The following CISD2 variants were observed in gnomAD, a reference collection of about 807,000 sequenced individuals.
CISD2 encodes the protein CDGSH iron-sulfur domain-containing protein 2.
CISD2 carries 1 observed loss-of-function variant against 12.9 expected under a neutral mutation model. The ratio of observed to expected loss-of-function variants is 0.08; its 90% confidence interval spans 0.03 to 0.37. The LOEUF (loss-of-function observed/expected upper bound fraction) is 0.37, where lower values mean the gene tolerates loss of function less well. CISD2 is among the 10% of genes least tolerant of loss of function. CISD2 has a pLI of 0.99. For missense variants in CISD2, 97 were observed against 163.1 expected, an observed-to-expected ratio of 0.59 and a Z score of 2.21; for synonymous variants, 50 against 60.6, an observed-to-expected ratio of 0.83 and a Z score of 0.81.
At chr4:102,871,200 A>T (rs907173965) in intron 1 of CISD2, among the ~76,000 whole-genome samples, 1 of 152,218 alleles carries the variant, frequency 6.6e-6, no homozygotes, top group African/African-American at 2.4e-5. Context: ...GAAAATTAGA[A>T]AGTATGAAAC....
intron 1 of CISD2, among the ~76,000 whole-genome samples, chr4:102,869,842 A>C (rs1300154263): frequency 6.6e-6 from 1 of 152,162 alleles, no homozygotes; most frequent in African/African-American, 2.4e-5. Context: ...CGGTATGAGG[A>C]GTGAAATCTT....
At chr4:102,874,632 A>C (rs1396544724) in intron 1 of CISD2, 1 of 152,210 alleles carries the variant, frequency 6.6e-6, no homozygotes, top group East Asian at 1.9e-4. Flanking sequence ...AGAATCAACC[A>C]TGCTGACACC....
rs1179286757 is a variant in CISD2, at chr4:102,885,239, C to T, written c.127C>T (p.Pro43Ser). The T allele has an allele frequency of 1.9e-6, 3 of 1,613,952 alleles. No homozygotes were observed. In the Admixed American group the frequency reaches 5.0e-5, roughly 27 times the overall value. The change falls in exon 2 of 3, where the codon CCT becomes TCT. Residue 43 changes from proline to serine, a missense_variant. By Grantham distance (74) the Pro-to-Ser change is moderately conservative. This residue lies in a region of CISD2 where 89 missense variants were observed against 114.4 expected (regional missense o/e 0.78). Coordinates refer to ENST00000273986, the MANE Select transcript of CISD2 (RefSeq NM_001008388.5). ...LTVSEWLRLL[P>S]FLGVLALLGY... ...AGTTTCAGAATGGCTTCGGTTATTG[C>T]CTTTCCTTGGTGTACTCGCACTTCT... is the stretch of plus-strand genomic sequence containing the variant.
intron 1 of CISD2, 143 bp from the exon 2 acceptor site, chr4:102,885,073 T>C: frequency 1.4e-6 from 1 of 708,622 alleles, no homozygotes; most frequent in South Asian, 1.5e-5. Context: ...CTTTATTGTG[T>C]TATTTATTCA....
rs1445034883 is a variant in CISD2 at position 102,869,007 on chromosome 4, C to T, written c.-78C>T. On this transcript the variant is annotated 5_prime_UTR_variant, in exon 1 of 3. Coordinates refer to ENST00000273986, the MANE Select transcript of CISD2 (RefSeq NM_001008388.5). ...CGAGGCCGCCAGTGCCCGCCGGCCGCTTCCGCTCCCGGCGCAGGCGCGGCA... is the reference window on the plus strand; with the variant it reads ...CGAGGCCGCCAGTGCCCGCCGGCCGTTTCCGCTCCCGGCGCAGGCGCGGCA... The T allele has an allele frequency of 4.1e-6, 6 of 1,466,592 alleles. No individual in the cohort carries two copies. Among genetic ancestry groups the T allele is most frequent in the Non-Finnish European group, 4.5e-6 (5 of 1,106,820 alleles). 90.8% of individuals were successfully genotyped at this position (1,466,592 alleles called of 1,614,324 possible). A position where few individuals can be genotyped will look rare whatever the true frequency, so the allele number is the denominator to read the frequency against.
In CISD2 at chr4:102,873,851, C is replaced by T. The variant is rs116437214; in HGVS notation, c.103+4664C>T. Among the ~76,000 whole-genome samples, 511 of 151,400 alleles carry T rather than the reference C, an allele frequency of 3.4e-3. 4 individuals carry two copies. Among genetic ancestry groups the T allele is most frequent in the Non-Finnish European group, 5.6e-3 (378 of 67,908 alleles). ...AAAAATTGGCAAAACAGGCCAGGTA[C>T]GGTGTGGCTCATGCCTTTAATCCCA... On this transcript the variant is annotated intron_variant, in intron 1 of 2. Coordinates refer to ENST00000273986, the MANE Select transcript of CISD2 (RefSeq NM_001008388.5).
Position 102,869,015 on chromosome 4 carries a change from C to G in CISD2, c.-70C>G. ...CCAGTGCCCGCCGGCCGCTTCCGCT[C>G]CCGGCGCAGGCGCGGCAGCTTGGCC... On this transcript the variant is annotated 5_prime_UTR_variant, in exon 1 of 3. Transcript: ENST00000273986. 1 of 1,479,946 alleles carries G rather than the reference C, an allele frequency of 6.8e-7. No homozygotes were observed. The highest frequency in any genetic ancestry group is 9.0e-7 in the Non-Finnish European group (1 of 1,113,118). 91.7% of individuals were successfully genotyped at this position (1,479,946 alleles called of 1,614,324 possible). A position where few individuals can be genotyped will look rare whatever the true frequency, so the allele number is the denominator to read the frequency against.
At position 102,869,201 on chromosome 4, in the gene CISD2, A is replaced by C. The variant is rs1200205884; in HGVS notation, c.103+14A>C. Reference sequence around the variant, plus strand: ...CTAGGCTCACAGGTAATCCTCCCCCATCAGCCAGTCCCCATCCTTGCACGT... The same window carrying C: ...CTAGGCTCACAGGTAATCCTCCCCCCTCAGCCAGTCCCCATCCTTGCACGT... On this transcript the variant is annotated intron_variant, in intron 1 of 2. Transcript: ENST00000273986. The C allele has an allele frequency of 6.3e-7, 1 of 1,594,866 alleles. No homozygotes were observed. Among genetic ancestry groups the C allele is most frequent in the Non-Finnish European group, 8.5e-7 (1 of 1,170,572 alleles).
chr4:102,888,538 G>A lies in CISD2; in HGVS notation c.*1108G>A, dbSNP rs546294667. On this transcript the variant is annotated 3_prime_UTR_variant, in exon 3 of 3. Transcript: ENST00000273986. ...GTGTAAGGGTCAACTGTACAAAAAA[G>A]TTTGTGAAATAAACGTACTGGAGAA... is the stretch of plus-strand genomic sequence containing the variant. 1 of 152,328 alleles carries A rather than the reference G, an allele frequency of 6.6e-6. No homozygotes were observed. Among genetic ancestry groups the A allele is most frequent in the African/African-American group, 2.4e-5 (1 of 41,574 alleles). 9.4% of individuals were successfully genotyped at this position (152,328 alleles called of 1,614,324 possible). A position where few individuals can be genotyped will look rare whatever the true frequency, so the allele number is the denominator to read the frequency against.
intron 1 of CISD2, among the ~76,000 whole-genome samples, chr4:102,876,634 C>T (rs1733599436): frequency 6.6e-6 from 1 of 152,064 alleles, no homozygotes; most frequent in Non-Finnish European, 1.5e-5. Context: ...CCTGTAATCC[C>T]AGCTACTCAG....
intron 1 of CISD2, among the ~76,000 whole-genome samples, chr4:102,875,214 A>G (rs1474191110): frequency 6.6e-6 from 1 of 152,226 alleles, no homozygotes; most frequent in Non-Finnish European, 1.5e-5. Flanking sequence ...CTCCTCCCAT[A>G]TTCCCATGAA....
At position 102,869,076 on chromosome 4, in the gene CISD2, C is replaced by G. The variant is rs1490041776; in HGVS notation, c.-9C>G. On this transcript the variant is annotated 5_prime_UTR_variant, in exon 1 of 3. Transcript: ENST00000273986. ...GGGCTCGGGAGAGGAGTGGACGCCG[C>G]TGGCCAGGATGGTGCTGGAGAGCGT... 1 of 1,606,462 alleles carries G rather than the reference C, an allele frequency of 6.2e-7. No homozygotes were observed. The highest frequency in any genetic ancestry group is 1.3e-5 in the African/African-American group (1 of 74,782).
intron 1 of CISD2, among the ~76,000 whole-genome samples, chr4:102,884,362 C>T (rs569130390): frequency 9.5e-4 from 145 of 152,236 alleles, no homozygotes; most frequent in African/African-American, 3.4e-3. Flanking sequence ...TTTCTCTTTT[C>T]TCAACTAAGC....
At chr4:102,874,959 A>G (rs560760339) in intron 1 of CISD2, among the ~76,000 whole-genome samples, 1 of 152,174 alleles carries the variant, frequency 6.6e-6, no homozygotes, top group African/African-American at 2.4e-5. Flanking sequence ...GAGTGACTTC[A>G]TAGGTGAACA....
chr4:102,869,971 C>G (rs1014998233), intron 1 of CISD2, among the ~76,000 whole-genome samples: 1 of 152,168 alleles, frequency 6.6e-6, no homozygotes, highest in Non-Finnish European at 1.5e-5. Flanking sequence ...GCAGTCAACA[C>G]TTGGGAGATT....
Position 102,890,926 on chromosome 4 carries a change from ACCAATATAAATATCTCAG to A in CISD2, c.*3498_*3515del, listed in dbSNP as rs1433645177. 1 of 150,068 alleles carries A rather than the reference ACCAATATAAATATCTCAG, an allele frequency of 6.7e-6. No individual in the cohort carries two copies. The highest frequency in any genetic ancestry group is 1.5e-5 in the Non-Finnish European group (1 of 67,918). 9.3% of individuals were successfully genotyped at this position (150,068 alleles called of 1,614,324 possible). ...TACGAAGTTCGTAGGACAGGAGGAAACCAATATAAATATCTCAGCATTGTAGGAAATTTAACCCATGGA... is the reference window on the plus strand; with the variant it reads ...TACGAAGTTCGTAGGACAGGAGGAAACATTGTAGGAAATTTAACCCATGGA... On this transcript the variant is annotated 3_prime_UTR_variant, in exon 3 of 3. Coordinates refer to ENST00000273986, the MANE Select transcript of CISD2 (RefSeq NM_001008388.5).
intron 1 of CISD2, among the ~76,000 whole-genome samples, chr4:102,884,065 T>C (rs1016385000): frequency 3.3e-4 from 50 of 152,232 alleles, no homozygotes; most frequent in African/African-American, 1.1e-3. Context: ...ATAGTACTAT[T>C]ATCTCCTGAG....
In CISD2 at chr4:102,876,437, T is replaced by C. The variant is rs192128961; in HGVS notation, c.103+7250T>C. 1.9e-3 allele frequency among the ~76,000 whole-genome samples: 285 copies of C among 152,304 alleles called. 1 individual carries two copies. Among genetic ancestry groups the C allele is most frequent in the African/African-American group, 6.3e-3 (261 of 41,556 alleles). On this transcript the variant is annotated intron_variant, in intron 1 of 2. Transcript: ENST00000273986. ...TACATAGTAGGTGTATTAGTCTGTT[T>C]TCACACTGCTATAAAGGTAACTACT...
At chr4:102,882,509 G>T (rs1233604984) in intron 1 of CISD2, among the ~76,000 whole-genome samples, 1 of 152,150 alleles carries the variant, frequency 6.6e-6, no homozygotes, top group Non-Finnish European at 1.5e-5. Flanking sequence ...AAGCTGGAAA[G>T]GTAGCCTTGC....
Sources: gnomAD v4.1 joint callset for allele counts (sites outside exome capture counted in the v4.1 genomes callset) on GRCh38, gnomAD v4.1.1 for gene constraint, gnomAD v4.1.1 regional missense constraint, MANE v1.5 for transcripts, NCBI Gene and HGNC (gene_info 2026-07-23, HGNC 2026-07-21) for gene names.